Variants in TBC1D8B observed in about 807,000 individuals in gnomAD.
TBC1D8B encodes RP11-321G1.1.
A neutral mutation model predicts 82.9 loss-of-function variants in TBC1D8B; 75 were observed. That is an observed-to-expected ratio of 0.90 (90% CI 0.75 to 1.10). The LOEUF (loss-of-function observed/expected upper bound fraction) is 1.10, where lower values mean the gene tolerates loss of function less well. Ranked by LOEUF, TBC1D8B falls within the 50% of genes least tolerant of loss-of-function variation. The pLI is 0.00. For missense variants in TBC1D8B, 794 were observed against 796.9 expected (o/e 1.00, Z 0.04); for synonymous variants, 276 against 276.8 (o/e 1.00, Z 0.03).
chrX:106,854,271 T>C lies in TBC1D8B; in HGVS notation c.2327T>C (p.Leu776Pro), dbSNP rs745400775. 2.5e-6 allele frequency: 3 copies of C among 1,182,703 alleles called. No homozygotes were observed. The South Asian group carries it at 5.8e-5, about 23-fold the overall frequency. The change falls in exon 14 of 21, where the codon CTA becomes CCA. Residue 776 changes from leucine (L) to proline (P), a missense_variant. By Grantham distance (98) the Leu-to-Pro change is moderately conservative. Coordinates refer to ENST00000357242, the MANE Select transcript of TBC1D8B (RefSeq NM_017752.3). ...CRNRLYVIQT[L>P]EETTKQNVLR... ...AATAGGTTGTATGTGATACAGACCCTAGAGGAAACAACAAAACAGAATGTG... is the reference window on the plus strand; with the variant it reads ...AATAGGTTGTATGTGATACAGACCCCAGAGGAAACAACAAAACAGAATGTG...
intron 4 of TBC1D8B, among the ~76,000 whole-genome samples, chrX:106,822,736 G>C (rs966386907): frequency 2.7e-4 from 29 of 109,031 alleles, no homozygotes; most frequent in African/African-American, 9.7e-4. Context: ...AGTGGCTCAC[G>C]CCTATAATCC....
At chrX:106,821,292 T>C (rs1243185726) in intron 3 of TBC1D8B, among the ~76,000 whole-genome samples, 5 of 111,518 alleles carry the variant, frequency 4.5e-5, no homozygotes, top group Non-Finnish European at 9.5e-5. Context: ...GATTTACTTT[T>C]TTCCCCTTTC....
chrX:106,807,112 A>C (rs1602401578), intron 1 of TBC1D8B, among the ~76,000 whole-genome samples: 1 of 111,160 alleles, frequency 9.0e-6, no homozygotes, highest in African/African-American at 3.3e-5. Context: ...CTGATAAAAA[A>C]ATTTTGGCCT....
chrX:106,869,677 A>G (rs1932835660), intron 19 of TBC1D8B, 136 bp downstream of exon 19: 1 of 379,754 alleles, frequency 2.6e-6, no homozygotes, highest in African/African-American at 2.6e-5. Context: ...ATGATAGTAA[A>G]TGACCCATAT....
At chrX:106,814,638 T>C (rs1185367682) in intron 1 of TBC1D8B, 4 of 108,938 alleles carry the variant, frequency 3.7e-5, no homozygotes, top group African/African-American at 6.7e-5. Context: ...TCCACAATGG[T>C]TGAACTAGTT....
At chrX:106,829,024 G>A (rs1931945103) in intron 7 of TBC1D8B, 1 of 107,715 alleles carries the variant, frequency 9.3e-6, no homozygotes. Flanking sequence ...CAGACGACAT[G>A]ATTGTATATC....
rs373833500 is a variant in TBC1D8B, at chrX:106,839,470, A to G, written c.1353+13A>G. 7.4e-5 allele frequency: 84 copies of G among 1,129,844 alleles called. No homozygotes were observed. Among genetic ancestry groups the G allele is most frequent in the Non-Finnish European group, 9.4e-5 (80 of 853,835 alleles). The allele number at this position is 1,129,844 out of a possible 1,213,427, so 93.1% of individuals were successfully genotyped here. Reference sequence around the variant, plus strand: ...TAATTCTAAAATGGTAGGAAAACAAAATATTTAAACCTATGGGCTGAAACA... The same window carrying G: ...TAATTCTAAAATGGTAGGAAAACAAGATATTTAAACCTATGGGCTGAAACA... On this transcript the variant is annotated intron_variant, in intron 8 of 20. Transcript: ENST00000357242.
intron 16 of TBC1D8B, among the ~76,000 whole-genome samples, chrX:106,866,393 C>G (rs982195242): frequency 9.0e-6 from 1 of 111,438 alleles, no homozygotes; most frequent in African/African-American, 3.3e-5. Context: ...AAATACCCAG[C>G]AAACATGTTG....
intron 1 of TBC1D8B, among the ~76,000 whole-genome samples, chrX:106,810,348 A>G (rs755462776): frequency 8.9e-6 from 1 of 112,060 alleles, no homozygotes; most frequent in East Asian, 2.8e-4. Flanking sequence ...AAAGCAAAAG[A>G]TAACAGTTGT....
intron 7 of TBC1D8B, among the ~76,000 whole-genome samples, chrX:106,830,701 A>T (rs1932015221): frequency 3.8e-5 from 4 of 105,842 alleles, no homozygotes; most frequent in South Asian, 4.4e-4. Flanking sequence ...AAGGACAAAA[A>T]ACCAAACACC....
Position 106,820,950 on chromosome X carries a change from T to C in TBC1D8B, c.315T>C (p.Phe105=). ...ATATTATGAAGACCTTATCTGTATT[T>C]GATTCAAATGAAGATATTACTAATT... ...EQNIMKTLSV[F]DSNEDITNFV... is the part of the protein sequence containing the mutation. Residue 105 remains phenylalanine, a synonymous_variant, in exon 3 of 21, where the codon TTT becomes TTC. Transcript: ENST00000357242. 8.5e-7 allele frequency: 1 copy of C among 1,178,235 alleles called. No homozygotes were observed. The highest frequency in any genetic ancestry group is 3.0e-5 in the East Asian group (1 of 32,813).
intron 12 of TBC1D8B, among the ~76,000 whole-genome samples, chrX:106,852,940 G>T (rs1932621224): frequency 9.1e-6 from 1 of 109,489 alleles, no homozygotes. Flanking sequence ...CTTTAAAGTA[G>T]TTTTTTCCAA....
chrX:106,807,202 G>GCC (rs11367075), intron 1 of TBC1D8B, among the ~76,000 whole-genome samples: 17 of 96,635 alleles, frequency 1.8e-4, no homozygotes, highest in African/African-American at 4.9e-4. Flanking sequence ...AGATCTACCC[G>GCC]CCCCCCCCCA....
intron 7 of TBC1D8B, among the ~76,000 whole-genome samples, chrX:106,833,942 A>G (rs887723292): frequency 1.8e-5 from 2 of 108,446 alleles, no homozygotes; most frequent in Admixed American, 9.7e-5. Context: ...GTTGTCAAGT[A>G]TGTGATTTGT....
intron 7 of TBC1D8B, chrX:106,827,673 G>A (rs1168568568): frequency 2.6e-5 from 4 of 156,506 alleles, no homozygotes; most frequent in South Asian, 1.9e-4. Context: ...GTGAGGCCTC[G>A]AAAAAGGACT....
chrX:106,834,761 G>T (rs971948025), intron 7 of TBC1D8B, among the ~76,000 whole-genome samples: 7 of 112,002 alleles, frequency 6.2e-5, no homozygotes, highest in African/African-American at 1.9e-4. Flanking sequence ...AAATCCAGCG[G>T]GGCAGCCAAA....
At chrX:106,813,436 T>A in intron 1 of TBC1D8B, among the ~76,000 whole-genome samples, 1 of 111,801 alleles carries the variant, frequency 8.9e-6, no homozygotes, top group Non-Finnish European at 1.9e-5. Context: ...TTAACAAAAC[T>A]GAGCAATTTT....
Position 106,823,356 on chromosome X carries a change from A to C in TBC1D8B, c.717A>C (p.Gln239His). 8.3e-7 allele frequency: 1 copy of C among 1,210,613 alleles called. No individual in the cohort carries two copies. Among genetic ancestry groups the C allele is most frequent in the Non-Finnish European group, 1.1e-6 (1 of 894,810 alleles). The change falls in exon 5 of 21, where the codon CAA becomes CAC. Residue 239 changes from glutamine to histidine, a missense_variant. By Grantham distance (24) the Gln-to-His change is conservative (BLOSUM62 0). Coordinates refer to ENST00000357242, the MANE Select transcript of TBC1D8B (RefSeq NM_017752.3). ...HYFSMFLHIN[Q>H]TYLLMEQLAN... The stretch of plus-strand genomic sequence containing the variant: ...TTTCAATGTTTTTGCACATTAACCA[A>C]ACATACCTTCTTATGGAACAGCTGG...
intron 7 of TBC1D8B, among the ~76,000 whole-genome samples, chrX:106,830,509 G>A (rs1213487037): frequency 1.8e-5 from 2 of 110,599 alleles, no homozygotes; most frequent in East Asian, 2.8e-4. Flanking sequence ...TGTTTACTGC[G>A]GCATTATTCA....
Sources: gnomAD v4.1 joint callset for allele counts (sites outside exome capture counted in the v4.1 genomes callset) on GRCh38, gnomAD v4.1.1 for gene constraint, MANE v1.5 for transcripts, NCBI Gene and HGNC (gene_info 2026-07-23, HGNC 2026-07-21) for gene names.